PNKD: variants seen among roughly 807,000 people sequenced by gnomAD.
The protein encoded by PNKD is PNKD metallo-beta-lactamase domain containing, also known as probable thioesterase PNKD.
A neutral mutation model predicts 45.3 loss-of-function variants in PNKD; 36 were observed. The ratio of observed to expected loss-of-function variants is 0.80; its 90% CI spans 0.61 to 1.05. The LOEUF (loss-of-function observed/expected upper bound fraction) is 1.05. PNKD is among the 50% of genes least tolerant of loss of function. PNKD has a pLI of 0.00. For synonymous variants in PNKD, 197 were observed against 210.1 expected (o/e 0.94, Z 0.54); for missense variants, 511 against 506.6 (o/e 1.01, Z -0.08).
At chr2:218,299,544 A>G (rs995533312) in intron 2 of PNKD, among the ~76,000 whole-genome samples, 1 of 152,136 alleles carries the variant, frequency 6.6e-6, no homozygotes, top group Non-Finnish European at 1.5e-5. Context: ...CCCTGGGCTC[A>G]AGCCATCCTC....
At chr2:218,293,972 C>G (rs1180649270) in intron 2 of PNKD, among the ~76,000 whole-genome samples, 1 of 151,660 alleles carries the variant, frequency 6.6e-6, no homozygotes, top group African/African-American at 2.4e-5. Context: ...AAAACTGCCC[C>G]CCATACACAC....
At chr2:218,273,741 A>G (rs1690962443) in intron 2 of PNKD, among the ~76,000 whole-genome samples, 1 of 147,218 alleles carries the variant, frequency 6.8e-6, no homozygotes, top group Non-Finnish European at 1.5e-5. Context: ...ATTCCCCCCC[A>G]CCGCCCTCGG....
At chr2:218,312,243 T>C (rs1693635793) in intron 2 of PNKD, among the ~76,000 whole-genome samples, 1 of 152,226 alleles carries the variant, frequency 6.6e-6, no homozygotes, top group African/African-American at 2.4e-5. Context: ...TAAAGGCAAA[T>C]ATAATTGCAT....
At chr2:218,296,685 T>G (rs1693147762) in intron 2 of PNKD, among the ~76,000 whole-genome samples, 1 of 152,106 alleles carries the variant, frequency 6.6e-6, no homozygotes, top group South Asian at 2.1e-4. Context: ...CTTTCTTTCT[T>G]TCTTTCTTTT....
At chr2:218,333,045 G>A (rs1293571230) in intron 2 of PNKD, among the ~76,000 whole-genome samples, 4 of 152,184 alleles carry the variant, frequency 2.6e-5, no homozygotes, top group South Asian at 2.1e-4. Context: ...CTCTGGGGAC[G>A]AGGCCTTCCC....
intron 2 of PNKD, among the ~76,000 whole-genome samples, chr2:218,337,942 A>G (rs756474633): frequency 6.6e-6 from 1 of 151,942 alleles, no homozygotes; most frequent in Non-Finnish European, 1.5e-5. Context: ...AGGTCAAGAG[A>G]TCGAGACCAT....
intron 2 of PNKD, among the ~76,000 whole-genome samples, chr2:218,281,495 C>T (rs1691989075): frequency 6.6e-6 from 1 of 152,224 alleles, no homozygotes; most frequent in South Asian, 2.1e-4. Flanking sequence ...CCAAACTTGG[C>T]TCCAAATGTC....
intron 2 of PNKD, among the ~76,000 whole-genome samples, chr2:218,284,458 T>G (rs1574653041): frequency 6.6e-6 from 1 of 152,144 alleles, no homozygotes; most frequent in Admixed American, 6.5e-5. Flanking sequence ...AGCCACCGGG[T>G]GAAAGGTGCC....
rs374911039 is a variant in PNKD, at chr2:218,277,553, G to A, written c.236+6004G>A. The A allele has an allele frequency of 1.6e-4, 257 of 1,607,604 alleles. 1 individual carries two copies. Among genetic ancestry groups the A allele is most frequent in the Middle Eastern group, 1.2e-3 (7 of 6,058 alleles). On this transcript the variant is annotated intron_variant, in intron 2 of 9. Coordinates refer to ENST00000273077, the MANE Select transcript of PNKD (RefSeq NM_015488.5). ...GGGGACCTGCCCAGAATCCACCCACGCAGCTGGCTGCCGGCCCAGGAACAC... is the reference window on the plus strand; with the variant it reads ...GGGGACCTGCCCAGAATCCACCCACACAGCTGGCTGCCGGCCCAGGAACAC...
chr2:218,335,284 C>G (rs1294135025), intron 2 of PNKD, among the ~76,000 whole-genome samples: 1 of 152,144 alleles, frequency 6.6e-6, no homozygotes, highest in Non-Finnish European at 1.5e-5. Flanking sequence ...GAGCTCTAGA[C>G]CAGCCTGATC....
chr2:218,276,527 T>C (rs1691229517), intron 2 of PNKD, among the ~76,000 whole-genome samples: 1 of 152,098 alleles, frequency 6.6e-6, no homozygotes, highest in South Asian at 2.1e-4. Flanking sequence ...CAGGTGGCCG[T>C]CCACAGAAGG....
chr2:218,341,263 C>A (rs978946785), intron 5 of PNKD, among the ~76,000 whole-genome samples: 1 of 152,208 alleles, frequency 6.6e-6, no homozygotes, highest in Non-Finnish European at 1.5e-5. Context: ...GAGGCCCAGG[C>A]ACGGTGTGAT....
intron 2 of PNKD, among the ~76,000 whole-genome samples, chr2:218,338,643 C>G (rs1267336820): frequency 6.6e-6 from 1 of 151,602 alleles, no homozygotes; most frequent in Non-Finnish European, 1.5e-5. Flanking sequence ...ATCACCACAC[C>G]CGGCTAATTT....
intron 2 of PNKD, among the ~76,000 whole-genome samples, chr2:218,320,087 T>C (rs181410627): frequency 1.3e-5 from 2 of 152,364 alleles, no homozygotes; most frequent in African/African-American, 4.8e-5. Context: ...TGGGCCCTAT[T>C]GAGCAGGGGC....
chr2:218,344,855 A>G lies in PNKD; in HGVS notation c.1032A>G (p.Arg344=). 1 of 1,613,926 alleles carries G rather than the reference A, an allele frequency of 6.2e-7. No homozygotes were observed. The highest frequency in any genetic ancestry group is 8.5e-7 in the Non-Finnish European group (1 of 1,179,854). Residue 344 remains arginine (R), a synonymous_variant, in exon 10 of 10, where the codon AGA becomes AGG. Transcript: ENST00000273077. The stretch of plus-strand genomic sequence containing the variant: ...AGCGCTCCTACAACCCGTTCCTGAG[A>G]ACCCACTGCCTGGCGCTACAGGAGG... ...GEERSYNPFL[R]THCLALQEAL...
chr2:218,307,243 T>C (rs1036917857), intron 2 of PNKD, among the ~76,000 whole-genome samples: 3 of 151,830 alleles, frequency 2.0e-5, no homozygotes, highest in Admixed American at 1.3e-4. Context: ...GGGGAGGCAA[T>C]GGGGTTAGGG....
chr2:218,304,789 G>A (rs920007591), intron 2 of PNKD, among the ~76,000 whole-genome samples: 21 of 152,108 alleles, frequency 1.4e-4, no homozygotes, highest in Non-Finnish European at 2.4e-4. Flanking sequence ...AAAGTGGGGC[G>A]ACTGGCCGGG....
chr2:218,277,384 G>T (rs1392374570), intron 2 of PNKD: 3 of 1,614,058 alleles, frequency 1.9e-6, no homozygotes, highest in Non-Finnish European at 2.5e-6. Context: ...GAAAGCAGAA[G>T]ATGGTGACTG....
chr2:218,276,863 T>C lies in PNKD; in HGVS notation c.236+5314T>C, dbSNP rs112831173. 2.7e-3 allele frequency: 1,834 copies of C among 680,744 alleles called. 18 individuals carry two copies. Among genetic ancestry groups the C allele is most frequent in the African/African-American group, 0.018 (1,023 of 56,034 alleles). The allele number at this position is 680,744 out of a possible 1,614,324, so 42.2% of individuals were successfully genotyped here. Reference sequence around the variant, plus strand: ...CACCCAGAAGGATGCTGCCTCCACGTTGGTGCCTTTGCTAGCCAGTCGAGA... The same window carrying C: ...CACCCAGAAGGATGCTGCCTCCACGCTGGTGCCTTTGCTAGCCAGTCGAGA... On this transcript the variant is annotated intron_variant, in intron 2 of 9. Coordinates refer to ENST00000273077, the MANE Select transcript of PNKD (RefSeq NM_015488.5).
Sources: allele counts gnomAD v4.1 joint callset (sites outside exome capture counted in the v4.1 genomes callset), GRCh38; gene constraint gnomAD v4.1.1; transcripts MANE v1.5; gene names NCBI Gene and HGNC (gene_info 2026-07-23, HGNC 2026-07-21).